The following SYT1 variants were observed in gnomAD, a reference collection of about 807,000 sequenced individuals.
The protein encoded by SYT1 is synaptotagmin 1.
SYT1 carries 8 observed loss-of-function variants against 44.8 expected under a neutral mutation model. The ratio of observed to expected loss-of-function variants is 0.18; its 90% CI spans 0.10 to 0.32. The LOEUF (loss-of-function observed/expected upper bound fraction) is 0.32, where lower values mean the gene tolerates loss of function less well. Ranked by LOEUF, SYT1 falls within the 10% of genes least tolerant of loss-of-function variation. The probability of loss-of-function intolerance (pLI) is 1.00; values close to 1 mark genes in which losing one functional copy is unlikely to be tolerated. For synonymous variants in SYT1, 154 were observed against 188.8 expected (o/e 0.82, Z 1.51); for missense variants, 286 against 509.3 (o/e 0.56, Z 4.22).
At chr12:79,202,292 GTTAC>G (rs1321739888) in intron 3 of SYT1, among the ~76,000 whole-genome samples, 1 of 152,288 alleles carries the variant, frequency 6.6e-6, no homozygotes, top group Non-Finnish European at 1.5e-5. Context: ...TTTTATTACA[GTTAC>G]TTACTTCACA....
intron 9 of SYT1, among the ~76,000 whole-genome samples, chr12:79,357,760 C>T (rs1592997263): frequency 6.6e-6 from 1 of 152,084 alleles, no homozygotes; most frequent in South Asian, 2.1e-4. Flanking sequence ...TTGCCTTATA[C>T]GTGGAGACAA....
At position 78,896,664 on chromosome 12, in the gene SYT1, T is replaced by C. The variant is rs145317715; in HGVS notation, c.-217+31555T>C. Among the ~76,000 whole-genome samples, 220 of 151,928 alleles carry C rather than the reference T, an allele frequency of 1.4e-3. No individual in the cohort carries two copies. The East Asian group carries it at 0.016, about 11-fold the overall frequency. ...ACTTTAGAGTATTAGCAGTCAACAA[T>C]ATTTTCATTAATTATTTATAATGTA... On this transcript the variant is annotated intron_variant, in intron 1 of 10. Transcript: ENST00000261205.
At chr12:78,921,046 C>T (rs756711141) in intron 1 of SYT1, among the ~76,000 whole-genome samples, 37 of 151,864 alleles carry the variant, frequency 2.4e-4, no homozygotes, top group Non-Finnish European at 4.4e-4. Flanking sequence ...AGTATTACAA[C>T]TTTGAAGATA....
chr12:79,124,546 C>T (rs2138148328), intron 3 of SYT1, among the ~76,000 whole-genome samples: 1 of 152,200 alleles, frequency 6.6e-6, no homozygotes, highest in Non-Finnish European at 1.5e-5. Context: ...TCATCATCAT[C>T]ACCATTGCCA....
At chr12:79,055,661 A>G (rs1874878137) in intron 3 of SYT1, among the ~76,000 whole-genome samples, 1 of 152,014 alleles carries the variant, frequency 6.6e-6, no homozygotes, top group African/African-American at 2.4e-5. Flanking sequence ...GTCCTCTTCT[A>G]TAAAAATGAA....
intron 9 of SYT1, among the ~76,000 whole-genome samples, chr12:79,396,329 G>A (rs189835126): frequency 6.6e-6 from 1 of 152,078 alleles, no homozygotes; most frequent in African/African-American, 2.4e-5. Flanking sequence ...TCAGCATATT[G>A]CAAGTAAATA....
intron 3 of SYT1, among the ~76,000 whole-genome samples, chr12:79,212,055 T>G (rs533629202): frequency 6.6e-6 from 1 of 152,328 alleles, no homozygotes. Context: ...TTTGTATTTC[T>G]TTCTTTGAAA....
chr12:78,986,815 A>C (rs933017178), intron 2 of SYT1, among the ~76,000 whole-genome samples: 2 of 152,040 alleles, frequency 1.3e-5, no homozygotes, highest in Non-Finnish European at 2.9e-5. Flanking sequence ...TTCTCCATAT[A>C]CATGAAGGAT....
At chr12:78,911,739 G>T (rs1030148597) in intron 1 of SYT1, among the ~76,000 whole-genome samples, 1 of 151,934 alleles carries the variant, frequency 6.6e-6, no homozygotes, top group African/African-American at 2.4e-5. Flanking sequence ...CAGCCTCTCT[G>T]AGACTTTTTG....
intron 2 of SYT1, among the ~76,000 whole-genome samples, chr12:79,019,176 ATCT>A (rs1872014035): frequency 1.3e-5 from 2 of 152,008 alleles, no homozygotes; most frequent in African/African-American, 4.8e-5. Flanking sequence ...TGGTCTGACA[ATCT>A]AATGGAGAGA....
At chr12:79,131,663 C>A (rs907365409) in intron 3 of SYT1, among the ~76,000 whole-genome samples, 1 of 152,084 alleles carries the variant, frequency 6.6e-6, no homozygotes, top group African/African-American at 2.4e-5. Flanking sequence ...ACATAGAAGA[C>A]CATCAATGAG....
intron 9 of SYT1, among the ~76,000 whole-genome samples, chr12:79,384,430 G>A (rs1884345927): frequency 6.6e-6 from 1 of 152,112 alleles, no homozygotes; most frequent in Non-Finnish European, 1.5e-5. Flanking sequence ...ATTAAAATAA[G>A]TGACAACTTA....
At chr12:79,105,142 G>A (rs1241937352) in intron 3 of SYT1, among the ~76,000 whole-genome samples, 1 of 152,126 alleles carries the variant, frequency 6.6e-6, no homozygotes, top group Non-Finnish European at 1.5e-5. Context: ...GGGATCAAAT[G>A]GCTTGGCTTC....
intron 1 of SYT1, among the ~76,000 whole-genome samples, chr12:78,946,438 TGAGGTCAGGAGTTCAA>T (rs1223015231): frequency 6.6e-6 from 1 of 152,134 alleles, no homozygotes; most frequent in African/African-American, 2.4e-5. Context: ...GTGGATCACT[TGAGGTCAGGAGTTCAA>T]GACCAGCCTG....
chr12:79,090,132 C>G (rs900738851), intron 3 of SYT1, among the ~76,000 whole-genome samples: 3 of 151,962 alleles, frequency 2.0e-5, no homozygotes, highest in African/African-American at 4.8e-5. Flanking sequence ...TGCTTTTAGT[C>G]AGTAATATGT....
intron 3 of SYT1, among the ~76,000 whole-genome samples, chr12:79,184,173 C>T (rs1872686456): frequency 6.6e-6 from 1 of 151,806 alleles, no homozygotes; most frequent in Admixed American, 6.6e-5. Context: ...TATTAGTATT[C>T]TATTTCACGT....
At position 79,176,515 on chromosome 12, in the gene SYT1, T is replaced by C. The variant is rs568559004; in HGVS notation, c.-17-40988T>C. Among the ~76,000 whole-genome samples, 19 of 152,160 alleles carry C rather than the reference T, an allele frequency of 1.2e-4. No individual in the cohort carries two copies. In the South Asian group the frequency reaches 3.9e-3, roughly 32 times the overall value. On this transcript the variant is annotated intron_variant, in intron 3 of 10. Transcript: ENST00000261205. ...GCTAAATACTCCATGTTGATATTCA[T>C]TTGTCAATACTAAATTAAGCTGAGT... is the stretch of plus-strand genomic sequence containing the variant.
At chr12:79,337,949 G>T (rs992554518) in intron 8 of SYT1, among the ~76,000 whole-genome samples, 20 of 152,226 alleles carry the variant, frequency 1.3e-4, no homozygotes, top group Admixed American at 6.5e-5. Flanking sequence ...GGACAGGAAA[G>T]TAGAATGTTT....
chr12:78,882,911 A>G (rs559058968), intron 1 of SYT1, among the ~76,000 whole-genome samples: 2 of 151,736 alleles, frequency 1.3e-5, no homozygotes, highest in South Asian at 4.1e-4. Flanking sequence ...TGTAATGGGA[A>G]CAGTCTGTGA....
Sources: allele counts gnomAD v4.1 joint callset (sites outside exome capture counted in the v4.1 genomes callset), GRCh38; gene constraint gnomAD v4.1.1; transcripts MANE v1.5; gene names NCBI Gene and HGNC (gene_info 2026-07-23, HGNC 2026-07-21).